Variants in PDLIM5 observed in about 807,000 individuals in gnomAD.
PDLIM5 encodes the protein PDZ and LIM domain protein 5.
In PDLIM5, 34 loss-of-function variants were observed where a neutral mutation model predicts 64.2. That is an observed-to-expected ratio of 0.53 (90% confidence interval 0.40 to 0.71). The LOEUF is 0.71. Among genes scored for constraint, PDLIM5 ranks in the 30% least tolerant of loss-of-function variants. The pLI, the probability that PDLIM5 is intolerant of heterozygous loss-of-function variation, is 0.00. For synonymous variants in PDLIM5, 253 were observed against 269.1 expected, an observed-to-expected ratio of 0.94 and a Z score of 0.59; for missense variants, 683 against 733.6, an observed-to-expected ratio of 0.93 and a Z score of 0.80.
chr4:94,529,433 G>A (rs1014757367), intron 3 of PDLIM5, among the ~76,000 whole-genome samples: 6 of 152,002 alleles, frequency 3.9e-5, no homozygotes, highest in Non-Finnish European at 7.4e-5. Context: ...TTTTTGCATT[G>A]AATATTATTC....
At chr4:94,494,432 G>GTTTTTTTTTTTTTTTTTTTTTTTTTTTTT (rs61675663) in intron 2 of PDLIM5, among the ~76,000 whole-genome samples, 2 of 70,770 alleles carry the variant, frequency 2.8e-5, no homozygotes, top group African/African-American at 8.8e-5. Flanking sequence ...TTTTTTTCTT[G>GTTTTTTTTTTTTTTTTTTTTTTTTTTTTT]TTTTTTTTTT....
chr4:94,656,707 T>C (rs1488211078), intron 10 of PDLIM5: 1 of 151,640 alleles, frequency 6.6e-6, no homozygotes, highest in Admixed American at 6.6e-5. Context: ...CGATATCGGC[T>C]CATTGCAAGT....
intron 9 of PDLIM5, among the ~76,000 whole-genome samples, chr4:94,648,326 GT>G (rs1043362877): frequency 6.6e-6 from 1 of 151,840 alleles, no homozygotes; most frequent in South Asian, 2.1e-4. Context: ...ACAGGTTTTT[GT>G]TTTTTGTTTT....
At chr4:94,584,700 T>G in intron 5 of PDLIM5, 2 of 387,160 alleles carry the variant, frequency 5.2e-6, no homozygotes, top group Non-Finnish European at 9.2e-6. Flanking sequence ...GTTTAGCCTC[T>G]ACTAAACCAT....
intron 11 of PDLIM5, among the ~76,000 whole-genome samples, chr4:94,659,120 C>T (rs1360414523): frequency 6.6e-6 from 1 of 152,108 alleles, no homozygotes; most frequent in Non-Finnish European, 1.5e-5. Context: ...CACATCTAAT[C>T]AACTTGGTCT....
intron 7 of PDLIM5, among the ~76,000 whole-genome samples, chr4:94,591,693 T>A (rs35044129): frequency 0.25 from 38,291 of 152,196 alleles, 5,407 homozygotes; most frequent in East Asian, 0.38. Context: ...TGAGCTGCTG[T>A]GGTATCAGCT....
chr4:94,640,692 C>T (rs2110458925), intron 9 of PDLIM5, among the ~76,000 whole-genome samples: 1 of 152,082 alleles, frequency 6.6e-6, no homozygotes, highest in South Asian at 2.1e-4. Context: ...TTATCAATTC[C>T]TATTAGAACT....
At chr4:94,571,838 C>G (rs1560711452) in intron 3 of PDLIM5, among the ~76,000 whole-genome samples, 1 of 152,068 alleles carries the variant, frequency 6.6e-6, no homozygotes, top group East Asian at 1.9e-4. Flanking sequence ...AACTTGTTTC[C>G]TTTGCTCATT....
At chr4:94,539,851 T>G (rs1731632281) in intron 3 of PDLIM5, among the ~76,000 whole-genome samples, 1 of 152,046 alleles carries the variant, frequency 6.6e-6, no homozygotes, top group East Asian at 1.9e-4. Context: ...AAATACAGAT[T>G]TTTTGAGGGG....
chr4:94,475,696 A>G (rs972815169), intron 2 of PDLIM5, among the ~76,000 whole-genome samples: 1 of 152,228 alleles, frequency 6.6e-6, no homozygotes, highest in Non-Finnish European at 1.5e-5. Context: ...TTGCACAACA[A>G]TATGAATATA....
chr4:94,488,933 T>C (rs1726599166), intron 2 of PDLIM5: 1 of 152,284 alleles, frequency 6.6e-6, no homozygotes. Flanking sequence ...GAGGTAGCAG[T>C]ACTACGGAAG....
intron 2 of PDLIM5, among the ~76,000 whole-genome samples, chr4:94,523,351 TAAA>T (rs1429097076): frequency 1.3e-5 from 2 of 152,170 alleles, no homozygotes; most frequent in Non-Finnish European, 2.9e-5. Flanking sequence ...TAAAAGAGTA[TAAA>T]AACCCCATTC....
intron 2 of PDLIM5, chr4:94,455,867 A>G (rs1337844067): frequency 2.2e-6 from 3 of 1,379,252 alleles, no homozygotes; most frequent in African/African-American, 1.4e-5. Context: ...GCCAAAAGCT[A>G]CTTACCCTTG....
chr4:94,482,629 C>T (rs915472160), intron 2 of PDLIM5, among the ~76,000 whole-genome samples: 3 of 152,124 alleles, frequency 2.0e-5, no homozygotes, highest in African/African-American at 7.2e-5. Flanking sequence ...GGCATAGTGG[C>T]TCATTCCTCT....
chr4:94,483,516 T>A (rs1726056378), intron 2 of PDLIM5, among the ~76,000 whole-genome samples: 1 of 152,180 alleles, frequency 6.6e-6, no homozygotes. Flanking sequence ...AGGTCCATAC[T>A]TTTGGATGGT....
chr4:94,470,955 A>C (rs1343433094), intron 2 of PDLIM5, among the ~76,000 whole-genome samples: 1 of 152,166 alleles, frequency 6.6e-6, no homozygotes, highest in Non-Finnish European at 1.5e-5. Flanking sequence ...GAGCAAAGTC[A>C]CATCTTACAT....
At chr4:94,559,296 C>G (rs1468827188) in intron 3 of PDLIM5, among the ~76,000 whole-genome samples, 1 of 152,074 alleles carries the variant, frequency 6.6e-6, no homozygotes, top group African/African-American at 2.4e-5. Flanking sequence ...TTATATGAAC[C>G]AGACCTTCTA....
At chr4:94,531,944 GA>G (rs35499595) in intron 3 of PDLIM5, among the ~76,000 whole-genome samples, 1 of 151,104 alleles carries the variant, frequency 6.6e-6, no homozygotes, top group Non-Finnish European at 1.5e-5. Flanking sequence ...AAAAGGGGGG[GA>G]AAGCTTATAG....
intron 2 of PDLIM5, among the ~76,000 whole-genome samples, chr4:94,499,894 G>T (rs1446605428): frequency 4.6e-5 from 7 of 152,164 alleles, no homozygotes; most frequent in Non-Finnish European, 1.0e-4. Context: ...TCTAATGCCT[G>T]ATGATCTGAG....
Sources: allele counts gnomAD v4.1 joint callset (sites outside exome capture counted in the v4.1 genomes callset), GRCh38; gene constraint gnomAD v4.1.1; transcripts MANE v1.5; gene names NCBI Gene and HGNC (gene_info 2026-07-23, HGNC 2026-07-21).